FBXO28: variants seen among roughly 807,000 people sequenced by gnomAD.
FBXO28 encodes the protein F-box only protein 28.
A neutral mutation model predicts 38.1 loss-of-function variants in FBXO28; 8 were observed. That is an observed-to-expected ratio of 0.21 (90% confidence interval 0.12 to 0.38). The LOEUF (loss-of-function observed/expected upper bound fraction) is 0.38. Among genes scored for constraint, FBXO28 ranks in the 10% least tolerant of loss-of-function variants. The pLI is 1.00. For missense variants in FBXO28, 345 were observed against 460.6 expected, an observed-to-expected ratio of 0.75 and a Z score of 2.30; for synonymous variants, 168 against 173.8, an observed-to-expected ratio of 0.97 and a Z score of 0.26.
Position 224,153,158 on chromosome 1 carries a change from A to G in FBXO28, c.533A>G (p.Tyr178Cys). ...FIPGKVIDEI[Y>C]RVLRYVNSTR... ...TTATTTTAGGTGATTGATGAGATTT[A>G]TCGTGTGTTGAGATATGTCAATTCT... The change falls in exon 4 of 5, where the codon TAT (tyrosine) becomes TGT (cysteine). Residue 178 changes from tyrosine (Y) to cysteine (C), a missense_variant. Physicochemically the swap from Tyr to Cys is radical, Grantham distance 194 (BLOSUM62 -2). This residue lies in a region of FBXO28 where 24 missense variants were observed against 24.6 expected (regional missense o/e 0.98). Transcript: ENST00000366862. The G allele has an allele frequency of 6.3e-7, 1 of 1,599,396 alleles. No homozygotes were observed. The highest frequency in any genetic ancestry group is 8.5e-7 in the Non-Finnish European group (1 of 1,176,456).
intron 2 of FBXO28, among the ~76,000 whole-genome samples, chr1:224,133,011 GCAAA>G (rs1378674676): frequency 3.3e-5 from 5 of 152,156 alleles, no homozygotes; most frequent in African/African-American, 9.7e-5. Context: ...CAGCTGATGA[GCAAA>G]CAAAGTATGA....
intron 3 of FBXO28, among the ~76,000 whole-genome samples, chr1:224,146,126 C>T (rs1161693294): frequency 1.6e-4 from 24 of 150,772 alleles, no homozygotes; most frequent in Admixed American, 1.6e-3. Flanking sequence ...CCCAGCTACT[C>T]AGGAGGCTGA....
chr1:224,154,953 G>T (rs1426167563), intron 4 of FBXO28, among the ~76,000 whole-genome samples: 2 of 149,092 alleles, frequency 1.3e-5, no homozygotes, highest in African/African-American at 2.5e-5. Flanking sequence ...ACTCCAGCCT[G>T]GGCAACAGAG....
intron 4 of FBXO28, among the ~76,000 whole-genome samples, chr1:224,154,977 CA>C (rs34053203): frequency 0.55 from 67,744 of 124,140 alleles, 17,169 homozygotes; most frequent in South Asian, 0.62. Flanking sequence ...GACTCCGTCT[CA>C]AAAAAAAAAA....
rs2102604625 is a variant in FBXO28 at position 224,114,309 on chromosome 1, A to G, written c.180A>G (p.Gln60=). ...APALAPDQLP[Q]NNTLVALPIV... ...CGCTGGCTCCGGACCAGCTGCCTCA[A>G]AACAACACGCTTGTGGCGCTGCCCA... The change falls in exon 1 of 5, where the codon CAA becomes CAG. Residue 60 remains glutamine (Q), a synonymous_variant. Coordinates refer to ENST00000366862, the MANE Select transcript of FBXO28 (RefSeq NM_015176.4). The G allele has an allele frequency of 1.3e-6, 2 of 1,574,642 alleles. No individual in the cohort carries two copies. The highest frequency in any genetic ancestry group is 2.3e-5 in the East Asian group (1 of 42,932).
intron 3 of FBXO28, among the ~76,000 whole-genome samples, chr1:224,135,580 C>G (rs1657155099): frequency 7.3e-6 from 1 of 136,144 alleles, no homozygotes; most frequent in African/African-American, 2.8e-5. Flanking sequence ...CCACTGCACT[C>G]CAGCCTGGGC....
At chr1:224,142,251 C>G (rs1222974762) in intron 3 of FBXO28, among the ~76,000 whole-genome samples, 2 of 151,624 alleles carry the variant, frequency 1.3e-5, no homozygotes, top group African/African-American at 4.9e-5. Context: ...ACTCGGGAGG[C>G]TGAGGCAGGA....
In FBXO28 at chr1:224,157,492, C is replaced by A. The variant is rs1657799535; in HGVS notation, c.853C>A (p.Leu285Ile). The A allele has an allele frequency of 6.2e-7, 1 of 1,614,122 alleles. No homozygotes were observed. Among genetic ancestry groups the A allele is most frequent in the Admixed American group, 1.7e-5 (1 of 59,994 alleles). ...TGTTCTCAGGCGTGAAATTTCTGAG[C>A]TTCGCACCAAAGTGCAAGAACAGCA... is the stretch of plus-strand genomic sequence containing the variant. ...VTVLRREISE[L>I]RTKVQEQQKQ... Residue 285 changes from leucine (L) to isoleucine (I), a missense_variant, in exon 5 of 5, where the codon CTT (leucine) becomes ATT (isoleucine). Leu to Ile is a conservative substitution (Grantham distance 5). This residue lies in a region of FBXO28 where 151 missense variants were observed against 188.3 expected (regional missense o/e 0.80). Coordinates refer to ENST00000366862, the MANE Select transcript of FBXO28 (RefSeq NM_015176.4).
intron 1 of FBXO28, among the ~76,000 whole-genome samples, chr1:224,122,705 A>T (rs114397675): frequency 0.013 from 2,025 of 152,068 alleles, 46 homozygotes; most frequent in African/African-American, 0.044. Context: ...ACATTTGTCT[A>T]ATTTTTTCCT....
chr1:224,118,133 T>C lies in FBXO28; in HGVS notation c.267+3737T>C, dbSNP rs767555338. 1.4e-4 allele frequency among the ~76,000 whole-genome samples: 22 copies of C among 152,036 alleles called. 1 individual carries two copies. Among genetic ancestry groups the C allele is most frequent in the Middle Eastern group, 3.4e-3 (1 of 294 alleles). ...TGATTTCCTGTATTTTTTGTGGAGA[T>C]GTGATTTCTCCATGTTGCCCAGGCT... On this transcript the variant is annotated intron_variant, in intron 1 of 4. Transcript: ENST00000366862.
chr1:224,130,329 G>A (rs1198299424), intron 1 of FBXO28, 143 bp from the exon 2 acceptor site: 3 of 563,608 alleles, frequency 5.3e-6, no homozygotes, highest in Admixed American at 6.3e-5. Flanking sequence ...GCGACAGAGT[G>A]AGACTTCGTC....
At chr1:224,131,042 C>T (rs1288130303) in intron 2 of FBXO28, 1 of 152,362 alleles carries the variant, frequency 6.6e-6, no homozygotes, top group Non-Finnish European at 1.5e-5. Context: ...CTTAGTAATA[C>T]ATATAACAAA....
chr1:224,158,077 C>G lies in FBXO28; in HGVS notation c.*331C>G. The G allele has an allele frequency of 2.9e-6, 3 of 1,025,390 alleles. No homozygotes were observed. Among genetic ancestry groups the G allele is most frequent in the Non-Finnish European group, 3.5e-6 (3 of 856,580 alleles). 63.5% of individuals were successfully genotyped at this position (1,025,390 alleles called of 1,614,324 possible). On this transcript the variant is annotated 3_prime_UTR_variant, in exon 5 of 5. Coordinates refer to ENST00000366862, the MANE Select transcript of FBXO28 (RefSeq NM_015176.4). ...CATACATACGTAAGGATCTTAAACC[C>G]AGTCTTGACAGACTAGAAGTTAAGT...
At chr1:224,131,369 A>G (rs988536347) in intron 2 of FBXO28, among the ~76,000 whole-genome samples, 12 of 152,092 alleles carry the variant, frequency 7.9e-5, no homozygotes, top group South Asian at 2.1e-4. Flanking sequence ...AACCAAAGCA[A>G]TTTTGAAAAA....
At chr1:224,146,295 T>A (rs997911450) in intron 3 of FBXO28, among the ~76,000 whole-genome samples, 2 of 151,688 alleles carry the variant, frequency 1.3e-5, no homozygotes, top group African/African-American at 2.4e-5. Flanking sequence ...TTTTTAAATA[T>A]GGAGGAAATT....
chr1:224,154,894 C>T (rs1187311086), intron 4 of FBXO28, among the ~76,000 whole-genome samples: 1 of 149,226 alleles, frequency 6.7e-6, no homozygotes, highest in Non-Finnish European at 1.5e-5. Context: ...ATGAGAGTTA[C>T]TTGAACCCAA....
intron 3 of FBXO28, among the ~76,000 whole-genome samples, chr1:224,144,626 T>C (rs1657453681): frequency 6.6e-6 from 1 of 151,082 alleles, no homozygotes; most frequent in Non-Finnish European, 1.5e-5. Context: ...GGCGTGGGTG[T>C]GTGTGCCTGT....
intron 1 of FBXO28, among the ~76,000 whole-genome samples, chr1:224,122,326 G>A (rs113305623): frequency 7.2e-5 from 11 of 152,094 alleles, no homozygotes; most frequent in African/African-American, 2.7e-4. Flanking sequence ...GTGTATGTGT[G>A]CATCTATCCC....
chr1:224,116,532 A>G (rs1057450727), intron 1 of FBXO28, among the ~76,000 whole-genome samples: 1 of 152,222 alleles, frequency 6.6e-6, no homozygotes, highest in Non-Finnish European at 1.5e-5. Flanking sequence ...AAGGCTGGAT[A>G]TGCTTTGAAG....
Sources: gnomAD v4.1 joint callset for allele counts (sites outside exome capture counted in the v4.1 genomes callset) on GRCh38, gnomAD v4.1.1 for gene constraint, gnomAD v4.1.1 regional missense constraint, MANE v1.5 for transcripts, NCBI Gene and HGNC (gene_info 2026-07-23, HGNC 2026-07-21) for gene names.